SLC2A9: variants seen among roughly 807,000 people sequenced by gnomAD.
SLC2A9 encodes solute carrier family 2 member 9.
SLC2A9 carries 39 observed loss-of-function variants against 50.6 expected under a neutral mutation model. The observed-to-expected ratio is 0.77, with a 90% confidence interval of 0.60 to 1.01. SLC2A9 has a LOEUF of 1.01. SLC2A9 is among the 50% of genes least tolerant of loss of function. The pLI, the probability that SLC2A9 is intolerant of heterozygous loss-of-function variation, is 0.00. For missense variants in SLC2A9, 686 were observed against 677.6 expected (o/e 1.01, Z -0.14); for synonymous variants, 324 against 276.9 (o/e 1.17, Z -1.69).
chr4:9,878,701 G>A (rs1387364878), intron 10 of SLC2A9, among the ~76,000 whole-genome samples: 1 of 151,994 alleles, frequency 6.6e-6, no homozygotes. Flanking sequence ...AAACCTGAGG[G>A]TAGCCTTGGG....
rs115224046 is a variant in SLC2A9, at chr4:9,914,694, C to T, written c.1002+5691G>A. ...GGGCTGGACAGAAGGGATTTGACCC[C>T]AGCAATTGCTATGGTGGTGAGAACG... On this transcript the variant is annotated intron_variant, in intron 7 of 11. Coordinates refer to ENST00000264784, the MANE Select transcript of SLC2A9 (RefSeq NM_020041.3). 3.5e-3 allele frequency among the ~76,000 whole-genome samples: 526 copies of T among 152,098 alleles called. 4 individuals carry two copies. The highest frequency in any genetic ancestry group is 0.011 in the African/African-American group (477 of 41,488).
intron 3 of SLC2A9, chr4:9,782,341 C>A (rs1718545146): frequency 1.2e-6 from 2 of 1,614,030 alleles, no homozygotes; most frequent in Middle Eastern, 1.7e-4. Context: ...CCGAGGTGGC[C>A]GGTTACTGGC....
intron 5 of SLC2A9, among the ~76,000 whole-genome samples, chr4:9,978,105 G>A (rs770534988): frequency 6.6e-6 from 1 of 152,208 alleles, no homozygotes; most frequent in Admixed American, 6.5e-5. Context: ...AGGAAGTCAA[G>A]CTTGAGTGGG....
At chr4:10,022,097 C>T (rs1560505044), upstream of SLC2A9, among the ~76,000 whole-genome samples, 1 of 152,314 alleles carries the variant, frequency 6.6e-6, no homozygotes, top group East Asian at 1.9e-4. Flanking sequence ...CCTCAGCCTC[C>T]CAAAGTGCTG....
intron 7 of SLC2A9, among the ~76,000 whole-genome samples, chr4:9,916,688 T>G (rs1002663652): frequency 6.6e-6 from 1 of 152,086 alleles, no homozygotes; most frequent in Non-Finnish European, 1.5e-5. Context: ...GCTTCTGTGT[T>G]TAAGAAAGAA....
At chr4:9,860,106 A>G (rs986366881) in intron 10 of SLC2A9, among the ~76,000 whole-genome samples, 1 of 152,052 alleles carries the variant, frequency 6.6e-6, no homozygotes, top group African/African-American at 2.4e-5. Context: ...TTCCTGTTGG[A>G]TGGCACCTGC....
chr4:10,021,295 A>C lies in SLC2A9; in HGVS notation c.135T>G (p.Gly45=). The C allele has an allele frequency of 6.2e-7, 1 of 1,613,622 alleles. No homozygotes were observed. The highest frequency in any genetic ancestry group is 8.5e-7 in the Non-Finnish European group (1 of 1,180,004). The change falls in exon 1 of 12, where the codon GGT becomes GGG. Residue 45 remains glycine (G), a synonymous_variant. Coordinates refer to ENST00000264784, the MANE Select transcript of SLC2A9 (RefSeq NM_020041.3). ...CCGTAGTTACCTTTCTTCTCCTTCCACCTGGCACCCCACTCCTCAGGTGGT... is the reference window on the plus strand; with the variant it reads ...CCGTAGTTACCTTTCTTCTCCTTCCCCCTGGCACCCCACTCCTCAGGTGGT... ...ECDHLRSGVP[G]GRRRKDWSCS...
intron 2 of SLC2A9, among the ~76,000 whole-genome samples, chr4:10,004,851 G>A (rs1760485326): frequency 6.6e-6 from 1 of 152,152 alleles, no homozygotes; most frequent in Non-Finnish European, 1.5e-5. Flanking sequence ...GGGAGAACTC[G>A]ATCCTGTTTG....
intron 8 of SLC2A9, among the ~76,000 whole-genome samples, chr4:9,904,981 C>T (rs1385824770): frequency 6.6e-6 from 1 of 152,226 alleles, no homozygotes; most frequent in African/African-American, 2.4e-5. Context: ...GGCCCTTCAG[C>T]TCTCAGGTTC....
chr4:9,874,433 G>A (rs1015265693), intron 10 of SLC2A9, among the ~76,000 whole-genome samples: 27 of 152,112 alleles, frequency 1.8e-4, no homozygotes, highest in Non-Finnish European at 2.1e-4. Context: ...TACCCCACCC[G>A]TGAGCCAGTG....
In SLC2A9 at chr4:9,772,707, T is replaced by C. The variant is rs7667899; in HGVS notation, n.182-1338A>G. Among the ~76,000 whole-genome samples the C allele has an allele frequency of 6.8e-3, 1,034 of 152,190 alleles. 10 individuals carry two copies. Among genetic ancestry groups the C allele is most frequent in the African/African-American group, 0.024 (976 of 41,426 alleles). The stretch of plus-strand genomic sequence containing the variant: ...CCCTGGGGCTGTGTGTTATGTAGCA[T>C]TGCTGTAAAAAAAACTTGACCAATA... On this transcript the variant is annotated intron_variant and non_coding_transcript_variant, in intron 1 of 1. Transcript: ENST00000508585.
intron 2 of SLC2A9, among the ~76,000 whole-genome samples, chr4:10,008,010 C>G (rs1448455647): frequency 6.6e-6 from 1 of 152,200 alleles, no homozygotes; most frequent in African/African-American, 2.4e-5. Flanking sequence ...TCTAGTTTCA[C>G]TTGTCTGGTT....
chr4:9,810,588 T>A (rs1722743979), intron 3 of SLC2A9, among the ~76,000 whole-genome samples: 1 of 152,258 alleles, frequency 6.6e-6, no homozygotes, highest in Non-Finnish European at 1.5e-5. Flanking sequence ...GAGCATTTAC[T>A]AATTTTTGCT....
intron 5 of SLC2A9, among the ~76,000 whole-genome samples, chr4:9,955,263 C>A (rs1751029002): frequency 2.3e-5 from 1 of 43,658 alleles, no homozygotes; most frequent in Non-Finnish European, 4.5e-5. Context: ...GAGGCCGAGG[C>A]GGGTGGATCA....
Position 9,887,656 on chromosome 4 carries a change from G to A in SLC2A9, c.1216-14C>T. 1 of 1,504,960 alleles carries A rather than the reference G, an allele frequency of 6.6e-7. No homozygotes were observed. The highest frequency in any genetic ancestry group is 8.9e-7 in the Non-Finnish European group (1 of 1,122,624). The allele number at this position is 1,504,960 out of a possible 1,614,324, so 93.2% of individuals were successfully genotyped here. ...GGGGGCGTGGTCCTGGGAGAGAACA[G>A]GGAGTGGTCAGGTGAGGAGGTGATG... On this transcript the variant is annotated splice_polypyrimidine_tract_variant and intron_variant, in intron 9 of 11. Coordinates refer to ENST00000264784, the MANE Select transcript of SLC2A9 (RefSeq NM_020041.3).
chr4:9,793,679 T>C (rs1465096872), intron 3 of SLC2A9, among the ~76,000 whole-genome samples: 1 of 152,168 alleles, frequency 6.6e-6, no homozygotes, highest in African/African-American at 2.4e-5. Context: ...CAAAGGCCTG[T>C]TTTTTGTTTG....
At chr4:10,020,400 A>G (rs1018619983) in intron 1 of SLC2A9, among the ~76,000 whole-genome samples, 3 of 152,140 alleles carry the variant, frequency 2.0e-5, no homozygotes, top group African/African-American at 4.8e-5. Flanking sequence ...CACTGGCCAC[A>G]TATGTTGTTG....
At chr4:9,797,008 TACAATACTATGATCTACC>T (rs1257526577), downstream of SLC2A9, among the ~76,000 whole-genome samples, 3 of 152,160 alleles carry the variant, frequency 2.0e-5, no homozygotes, top group Non-Finnish European at 4.4e-5. Context: ...TGAATAATAA[TACAATACTATGATCTACC>T]ACAATACTAT....
chr4:9,884,936 A>G (rs9998156), intron 10 of SLC2A9, among the ~76,000 whole-genome samples: 50,208 of 151,976 alleles, frequency 0.33, 10,168 homozygotes, highest in African/African-American at 0.55. Context: ...ACCAAACACC[A>G]CATGTTCTCA....
Sources: gnomAD v4.1 joint callset for allele counts (sites outside exome capture counted in the v4.1 genomes callset) on GRCh38, gnomAD v4.1.1 for gene constraint, MANE v1.5 for transcripts, NCBI Gene and HGNC (gene_info 2026-07-23, HGNC 2026-07-21) for gene names.